The following MARCHF1 variants were observed in gnomAD, a reference collection of about 807,000 sequenced individuals.
MARCHF1 encodes membrane associated ring-CH-type finger 1.
A neutral mutation model predicts 54.2 loss-of-function variants in MARCHF1; 40 were observed. That is an observed-to-expected ratio of 0.74 (90% CI 0.57 to 0.96). MARCHF1 has a LOEUF of 0.96. Among genes scored for constraint, MARCHF1 ranks in the 40% least tolerant of loss-of-function variants. MARCHF1 has a pLI of 0.00. For missense variants in MARCHF1, 586 were observed against 656.5 expected, an observed-to-expected ratio of 0.89 and a Z score of 1.17; for synonymous variants, 236 against 236.3, an observed-to-expected ratio of 1.00 and a Z score of 0.01.
Position 164,291,991 on chromosome 4 carries a change from TCA to T in MARCHF1, c.-323+91877_-323+91878del, listed in dbSNP as rs536064416. The stretch of plus-strand genomic sequence containing the variant: ...GATGTTGTCATACATTTTGCTAAAG[TCA>T]CAATTAATTAATTTTAGTTTACATG... On this transcript the variant is annotated intron_variant, in intron 1 of 9. Transcript: ENST00000514618. 4.3e-4 allele frequency among the ~76,000 whole-genome samples: 66 copies of T among 152,246 alleles called. No individual in the cohort carries two copies. The South Asian group carries it at 0.013, about 30-fold the overall frequency.
At chr4:163,773,330 A>G (rs2201374) in intron 4 of MARCHF1, among the ~76,000 whole-genome samples, 44,768 of 152,196 alleles carry the variant, frequency 0.29, 8,207 homozygotes, top group Non-Finnish European at 0.42. Flanking sequence ...TACCTGGAAG[A>G]GAAATGTGCT....
chr4:164,132,086 G>A (rs1756312172), intron 1 of MARCHF1, among the ~76,000 whole-genome samples: 1 of 152,094 alleles, frequency 6.6e-6, no homozygotes, highest in South Asian at 2.1e-4. Context: ...ACCTGTAGCT[G>A]CCTGTTAGCT....
chr4:163,733,543 G>A (rs1296022459), intron 4 of MARCHF1, among the ~76,000 whole-genome samples: 1 of 150,842 alleles, frequency 6.6e-6, no homozygotes, highest in Non-Finnish European at 1.5e-5. Context: ...CCATGTTGGT[G>A]TGCTGCACTC....
intron 5 of MARCHF1, among the ~76,000 whole-genome samples, chr4:163,699,407 G>T (rs560903766): frequency 1.6e-4 from 24 of 152,292 alleles, no homozygotes; most frequent in African/African-American, 5.8e-4. Context: ...GTGTGCAGAT[G>T]TTATCTGACC....
chr4:163,547,371 T>C (rs764812719), intron 8 of MARCHF1, among the ~76,000 whole-genome samples: 44 of 152,238 alleles, frequency 2.9e-4, no homozygotes, highest in Non-Finnish European at 2.6e-4. Context: ...GGCTCAGGTG[T>C]ACATTGATTA....
chr4:163,530,857 A>G (rs1202097585), intron 9 of MARCHF1, among the ~76,000 whole-genome samples: 1 of 151,886 alleles, frequency 6.6e-6, no homozygotes, highest in East Asian at 1.9e-4. Context: ...TATTTACTTA[A>G]TCCTAATGGA....
chr4:163,951,212 A>G (rs1752128259), intron 3 of MARCHF1, among the ~76,000 whole-genome samples: 1 of 152,240 alleles, frequency 6.6e-6, no homozygotes, highest in African/African-American at 2.4e-5. Context: ...ATTTGCACTT[A>G]TCCATGAACA....
intron 4 of MARCHF1, among the ~76,000 whole-genome samples, chr4:163,754,359 CA>C (rs1392743261): frequency 1.3e-5 from 2 of 152,024 alleles, no homozygotes; most frequent in East Asian, 3.9e-4. Flanking sequence ...GGAGTTTATT[CA>C]AAATGAAATC....
chr4:164,129,216 T>C lies in MARCHF1; in HGVS notation c.-322-17554A>G, dbSNP rs117952281. 1.4e-4 allele frequency among the ~76,000 whole-genome samples: 21 copies of C among 152,284 alleles called. No homozygotes were observed. In the East Asian group the frequency reaches 4.1e-3, roughly 29 times the overall value. On this transcript the variant is annotated intron_variant, in intron 1 of 9. Transcript: ENST00000514618. ...CTTTTCTCCTGTTGTAGAATAATGA[T>C]TAAGAAGGAGGAAGAAGGAATTTTC...
At chr4:163,550,306 G>C (rs1299203733) in intron 8 of MARCHF1, among the ~76,000 whole-genome samples, 1 of 146,310 alleles carries the variant, frequency 6.8e-6, no homozygotes, top group Non-Finnish European at 1.5e-5. Flanking sequence ...AAAAAGAAAA[G>C]AAAAGAAAAG....
chr4:163,813,868 T>A (rs745442775), intron 4 of MARCHF1, among the ~76,000 whole-genome samples: 2 of 151,986 alleles, frequency 1.3e-5, no homozygotes, highest in African/African-American at 2.4e-5. Flanking sequence ...ATGTCTGGGG[T>A]CCAGGGTCTA....
chr4:163,631,057 T>A (rs1742059386), intron 5 of MARCHF1, among the ~76,000 whole-genome samples: 2 of 152,192 alleles, frequency 1.3e-5, no homozygotes, highest in Admixed American at 1.3e-4. Flanking sequence ...TTTCATAGAA[T>A]ATCAAATTAT....
At chr4:164,120,524 A>T (rs867520520) in intron 1 of MARCHF1, among the ~76,000 whole-genome samples, 1 of 152,144 alleles carries the variant, frequency 6.6e-6, no homozygotes, top group Non-Finnish European at 1.5e-5. Flanking sequence ...CAAGAACTGC[A>T]GAATACACAT....
chr4:163,828,410 C>T (rs1302783250), intron 4 of MARCHF1, among the ~76,000 whole-genome samples: 1 of 151,932 alleles, frequency 6.6e-6, no homozygotes, highest in Non-Finnish European at 1.5e-5. Flanking sequence ...GACTTTTGTT[C>T]TGTGATTATC....
chr4:164,210,406 C>A (rs1731731719), intron 1 of MARCHF1, among the ~76,000 whole-genome samples: 1 of 151,996 alleles, frequency 6.6e-6, no homozygotes, highest in African/African-American at 2.4e-5. Context: ...ATTCAATTAA[C>A]CAACAGAGGG....
intron 2 of MARCHF1, among the ~76,000 whole-genome samples, chr4:164,022,686 G>A (rs188468116): frequency 3.7e-4 from 57 of 152,320 alleles, no homozygotes; most frequent in African/African-American, 8.2e-4. Flanking sequence ...CAGCTGCGGC[G>A]GAGTGCGGCC....
intron 3 of MARCHF1, among the ~76,000 whole-genome samples, chr4:163,979,139 T>G (rs1752708330): frequency 8.8e-6 from 1 of 113,258 alleles, no homozygotes; most frequent in Non-Finnish European, 1.8e-5. Context: ...TCATCTAGCA[T>G]TAGGTATATC....
chr4:164,012,269 C>T (rs1034881030), intron 2 of MARCHF1, among the ~76,000 whole-genome samples: 7 of 152,066 alleles, frequency 4.6e-5, no homozygotes, highest in African/African-American at 1.7e-4. Flanking sequence ...CAACTCCAGG[C>T]ACTGTAGCCT....
At chr4:164,270,697 A>G (rs1310005602) in intron 1 of MARCHF1, among the ~76,000 whole-genome samples, 1 of 152,218 alleles carries the variant, frequency 6.6e-6, no homozygotes, top group African/African-American at 2.4e-5. Context: ...CACATTTGAT[A>G]CAACTCAATA....
Sources: allele counts gnomAD v4.1 joint callset (sites outside exome capture counted in the v4.1 genomes callset), GRCh38; gene constraint gnomAD v4.1.1; transcripts MANE v1.5; gene names NCBI Gene and HGNC (gene_info 2026-07-23, HGNC 2026-07-21).